The following STAC2 variants were observed in gnomAD, a reference collection of about 807,000 sequenced individuals.
The protein encoded by STAC2 is SH3 and cysteine rich domain 2.
In STAC2, 36 loss-of-function variants were observed where a neutral mutation model predicts 49.0. That is an observed-to-expected ratio of 0.74 (90% CI 0.56 to 0.97). STAC2 has a LOEUF of 0.97. Ranked by LOEUF, STAC2 falls within the 50% of genes least tolerant of loss-of-function variation. The pLI, the probability that STAC2 is intolerant of heterozygous loss-of-function variation, is 0.00. For missense variants in STAC2, 527 were observed against 543.8 expected, an observed-to-expected ratio of 0.97 and a Z score of 0.31; for synonymous variants, 239 against 214.7, an observed-to-expected ratio of 1.11 and a Z score of -0.99.
rs753955911 is a variant in STAC2 at position 39,212,274 on chromosome 17, G to A, written c.*18C>T. On this transcript the variant is annotated 3_prime_UTR_variant, in exon 11 of 11. Coordinates refer to ENST00000333461, the MANE Select transcript of STAC2 (RefSeq NM_198993.5). ...CCAGGCATGGGCAAGGGTGTCATCT[G>A]GGTTCCCTTGGCTCCTCTCAGATCT... 1.3e-6 allele frequency: 2 copies of A among 1,587,604 alleles called. No homozygotes were observed. Among genetic ancestry groups the A allele is most frequent in the Non-Finnish European group, 1.7e-6 (2 of 1,161,748 alleles).
Position 39,211,679 on chromosome 17 carries a change from AG to A in STAC2, c.*612del, listed in dbSNP as rs1280023798. 1 of 152,786 alleles carries A rather than the reference AG, an allele frequency of 6.5e-6. No homozygotes were observed. The highest frequency in any genetic ancestry group is 1.5e-5 in the Non-Finnish European group (1 of 68,114). 9.5% of individuals were successfully genotyped at this position (152,786 alleles called of 1,614,324 possible). ...CCCTCATCTGTCCGCCCAGGTTTCA[AG>A]TAACGGGAGAGATTCCTGCAAAACT... On this transcript the variant is annotated 3_prime_UTR_variant, in exon 11 of 11. Coordinates refer to ENST00000333461, the MANE Select transcript of STAC2 (RefSeq NM_198993.5).
Position 39,225,599 on chromosome 17 carries a change from T to G in STAC2, c.-97A>C. On this transcript the variant is annotated 5_prime_UTR_variant, in exon 1 of 11. Transcript: ENST00000333461. The surrounding 1 kb of genome is among the most constrained non-coding windows in gnomAD (Gnocchi z 8.2). ...GGGCGTCTCCGGGACTCTGAAGCCG[T>G]TCTCCAGAGGCTGCCCCCAGTTAGC... The G allele has an allele frequency of 8.6e-7, 1 of 1,167,886 alleles. No homozygotes were observed. The highest frequency in any genetic ancestry group is 1.6e-5 in the African/African-American group (1 of 63,386). 72.3% of individuals were successfully genotyped at this position (1,167,886 alleles called of 1,614,324 possible).
At chr17:39,213,244 C>A in intron 9 of STAC2, 112 bp from the exon 10 acceptor site, 2 of 1,522,664 alleles carry the variant, frequency 1.3e-6, no homozygotes, top group Non-Finnish European at 1.8e-6. Context: ...TCCTCCAGAT[C>A]TAGGGCTCTC....
intron 1 of STAC2, among the ~76,000 whole-genome samples, chr17:39,223,082 G>A (rs1597738561): frequency 6.6e-6 from 1 of 152,202 alleles, no homozygotes; most frequent in South Asian, 2.1e-4. Flanking sequence ...CAGCCTGGGG[G>A]CAAGCAGGAG....
intron 7 of STAC2, 47 bp downstream of exon 7, chr17:39,214,744 C>T: frequency 6.2e-7 from 1 of 1,601,234 alleles, no homozygotes; most frequent in Non-Finnish European, 8.5e-7. Flanking sequence ...AGAAATTACA[C>T]CCGCTTCCCA....
In STAC2 at chr17:39,225,729, G is replaced by A. The variant is rs1238445649; in HGVS notation, c.-227C>T. ...TGAGCCGCAGGAGCGGGACGACCCC[G>A]GGCGCGAGGACCGAGGGTCTGCAGA... On this transcript the variant is annotated 5_prime_UTR_variant, in exon 1 of 11. Transcript: ENST00000333461. This position sits in a 1 kb window ranked among gnomAD's most constrained non-coding sequence, Gnocchi z 8.2. 8.7e-6 allele frequency: 5 copies of A among 575,390 alleles called. No individual in the cohort carries two copies. Among genetic ancestry groups the A allele is most frequent in the South Asian group, 4.0e-5 (2 of 50,196 alleles). The allele number at this position is 575,390 out of a possible 1,614,324, so 35.6% of individuals were successfully genotyped here. A position where few individuals can be genotyped will look rare whatever the true frequency, so the allele number is the denominator to read the frequency against.
intron 1 of STAC2, 80 bp from the exon 2 acceptor site, chr17:39,218,253 C>A (rs566704793): frequency 8.2e-6 from 12 of 1,460,606 alleles, no homozygotes; most frequent in South Asian, 2.3e-5. Flanking sequence ...GTGTCTCTGG[C>A]GGTAGGGGCG....
chr17:39,213,671 T>TA, intron 8 of STAC2, 113 bp from the exon 9 acceptor site: 91 of 723,580 alleles, frequency 1.3e-4, no homozygotes, highest in Non-Finnish European at 1.8e-4. Context: ...GAGAGACGAT[T>TA]CTTTTTTTTT....
At position 39,216,977 on chromosome 17, in the gene STAC2, C is replaced by T. The variant is rs568075120; in HGVS notation, c.496-77G>A. ...ACTTGGTCCTTCCCAAGCCCAGGGCCCACCCCACAGGAAGGAGCAGCCCTG... is the reference window on the plus strand; with the variant it reads ...ACTTGGTCCTTCCCAAGCCCAGGGCTCACCCCACAGGAAGGAGCAGCCCTG... On this transcript the variant is annotated intron_variant, in intron 3 of 10. Transcript: ENST00000333461. 15 of 1,585,742 alleles carry T rather than the reference C, an allele frequency of 9.5e-6. No homozygotes were observed. The African/African-American group carries it at 1.9e-4, about 20-fold the overall frequency.
chr17:39,218,134 G>A lies in STAC2; in HGVS notation c.130C>T (p.Leu44Phe), dbSNP rs1307741315. The A allele has an allele frequency of 2.5e-6, 4 of 1,613,588 alleles. No homozygotes were observed. The highest frequency in any genetic ancestry group is 3.4e-6 in the Non-Finnish European group (4 of 1,180,036). ...AAGTTCTCCAAGCTCTTACTTCGGA[G>A]GATGGTCTTGAGGGAGAGGGAGCGC... ...FKRSLSLKTI[L>F]RSKSLENFFL... The change falls in exon 2 of 11, where the codon CTC becomes TTC. Residue 44 changes from leucine (L) to phenylalanine (F), a missense_variant. Transcript: ENST00000333461.
At chr17:39,224,343 G>C (rs2046490272) in intron 1 of STAC2, among the ~76,000 whole-genome samples, 1 of 152,166 alleles carries the variant, frequency 6.6e-6, no homozygotes, top group South Asian at 2.1e-4. Flanking sequence ...AGGAGGTCTT[G>C]GCCTGAAGTC....
rs567405477 is a variant in STAC2 at position 39,213,124 on chromosome 17, G to T, written c.1002C>A (p.Ile334=). Residue 334 remains isoleucine, a synonymous_variant, in exon 10 of 11, where the codon ATC becomes ATA. Transcript: ENST00000333461. The part of the protein sequence containing the change: ...DSNEDWWKGK[I]GDRVGFFPAN... Reference sequence around the variant, plus strand: ...CTGGGAAGAAGCCAACCCGGTCGCCGATCTTGCCCTGGGGATGAGGTTGGC... The same window carrying T: ...CTGGGAAGAAGCCAACCCGGTCGCCTATCTTGCCCTGGGGATGAGGTTGGC... 2 of 1,607,902 alleles carry T rather than the reference G, an allele frequency of 1.2e-6. No homozygotes were observed. The highest frequency in any genetic ancestry group is 8.5e-7 in the Non-Finnish European group (1 of 1,179,976).
In STAC2 at chr17:39,212,293, C is replaced by T. The variant is rs2046361201; in HGVS notation, c.1235G>A (p.Ter412=). Residue 412 remains the stop codon, a stop_retained_variant, in exon 11 of 11, where the codon TGA becomes TAA. Transcript: ENST00000333461. The stretch of plus-strand genomic sequence containing the variant: ...TCATCTGGGTTCCCTTGGCTCCTCT[C>T]AGATCTCAGTCAGGGCGTCGACTGG... ...LVPVDALTEI[*] 6.2e-7 allele frequency: 1 copy of T among 1,606,746 alleles called. No individual in the cohort carries two copies. Among genetic ancestry groups the T allele is most frequent in the Non-Finnish European group, 8.5e-7 (1 of 1,176,060 alleles).
Position 39,213,136 on chromosome 17 carries a change from G to C in STAC2, c.994-4C>G. The stretch of plus-strand genomic sequence containing the variant: ...CAACCCGGTCGCCGATCTTGCCCTG[G>C]GGATGAGGTTGGCAATGAACACCCG... On this transcript the variant is annotated splice_region_variant and splice_polypyrimidine_tract_variant and intron_variant, in intron 9 of 10. Coordinates refer to ENST00000333461, the MANE Select transcript of STAC2 (RefSeq NM_198993.5). The C allele has an allele frequency of 1.2e-6, 2 of 1,605,894 alleles. No homozygotes were observed. Among genetic ancestry groups the C allele is most frequent in the Non-Finnish European group, 1.7e-6 (2 of 1,179,942 alleles).
Position 39,225,315 on chromosome 17 carries a change from G to T in STAC2, c.90+98C>A. Reference sequence around the variant, plus strand: ...GCCTCAGTGGTCACGCGGGCCTCGCGACCGCGACCCTAGGACGCCCGGGCC... The same window carrying T: ...GCCTCAGTGGTCACGCGGGCCTCGCTACCGCGACCCTAGGACGCCCGGGCC... On this transcript the variant is annotated intron_variant, in intron 1 of 10. Coordinates refer to ENST00000333461, the MANE Select transcript of STAC2 (RefSeq NM_198993.5). The surrounding 1 kb of genome is among the most constrained non-coding windows in gnomAD (Gnocchi z 8.2). The T allele has an allele frequency of 9.4e-7, 1 of 1,064,660 alleles. No homozygotes were observed. The highest frequency in any genetic ancestry group is 1.3e-6 in the Non-Finnish European group (1 of 772,146). The allele number at this position is 1,064,660 out of a possible 1,614,324, so 66.0% of individuals were successfully genotyped here. A position where few individuals can be genotyped will look rare whatever the true frequency, so the allele number is the denominator to read the frequency against.
chr17:39,220,607 T>G (rs530067996), intron 1 of STAC2, among the ~76,000 whole-genome samples: 1 of 151,946 alleles, frequency 6.6e-6, no homozygotes, highest in African/African-American at 2.4e-5. Flanking sequence ...CCCAAGTAGC[T>G]GGGACTACAG....
At chr17:39,224,217 C>A (rs946763462) in intron 1 of STAC2, among the ~76,000 whole-genome samples, 1 of 152,316 alleles carries the variant, frequency 6.6e-6, no homozygotes, top group East Asian at 1.9e-4. Flanking sequence ...AGAAGCCTAG[C>A]GAACCCAGGA....
intron 1 of STAC2, among the ~76,000 whole-genome samples, chr17:39,218,445 T>C (rs959134921): frequency 6.6e-6 from 1 of 152,214 alleles, no homozygotes; most frequent in African/African-American, 2.4e-5. Flanking sequence ...CCGTGGGGAC[T>C]GTGGCAAACT....
chr17:39,224,790 C>A lies in STAC2; in HGVS notation c.90+623G>T, dbSNP rs190251119. Among the ~76,000 whole-genome samples, 681 of 152,276 alleles carry A rather than the reference C, an allele frequency of 4.5e-3. 3 individuals are homozygous for A. The highest frequency in any genetic ancestry group is 0.015 in the African/African-American group (641 of 41,572). On this transcript the variant is annotated intron_variant, in intron 1 of 10. Transcript: ENST00000333461. ...GTCCTCGCCCGTGACCGACGGCCGG[C>A]GCTGCTGCAGGCCCCCTCGCGGACT... is the stretch of plus-strand genomic sequence containing the variant.
Sources: gnomAD v4.1 joint callset for allele counts (sites outside exome capture counted in the v4.1 genomes callset) on GRCh38, gnomAD v4.1.1 for gene constraint, Gnocchi (gnomAD v3.1) non-coding constraint, MANE v1.5 for transcripts, NCBI Gene and HGNC (gene_info 2026-07-23, HGNC 2026-07-21) for gene names.